The following EYA4 variants were observed in gnomAD, a reference collection of about 807,000 sequenced individuals.
EYA4 encodes EYA transcriptional coactivator and phosphatase 4.
EYA4 carries 31 observed loss-of-function variants against 87.9 expected under a neutral mutation model. The observed-to-expected ratio is 0.35, with a 90% CI of 0.27 to 0.48. EYA4 has a LOEUF of 0.48. Among genes scored for constraint, EYA4 ranks in the 20% least tolerant of loss-of-function variants. The pLI is 0.99. For missense variants in EYA4, 678 were observed against 761.4 expected, an observed-to-expected ratio of 0.89 and a Z score of 1.29; for synonymous variants, 263 against 270.6, an observed-to-expected ratio of 0.97 and a Z score of 0.28.
chr6:133,423,160 G>C (rs542382181), intron 3 of EYA4, among the ~76,000 whole-genome samples: 2 of 152,238 alleles, frequency 1.3e-5, no homozygotes, highest in African/African-American at 4.8e-5. Flanking sequence ...GGAGGAGAAA[G>C]AGTAAGGAAA....
At chr6:133,477,700 A>G (rs1243261036) in intron 11 of EYA4, among the ~76,000 whole-genome samples, 3 of 152,142 alleles carry the variant, frequency 2.0e-5, no homozygotes. Flanking sequence ...CCAGTGTTGC[A>G]TCATACAAGC....
In EYA4 at chr6:133,422,563, T is replaced by C. The variant is rs6915920; in HGVS notation, c.84-24067T>C. The stretch of plus-strand genomic sequence containing the variant: ...TCTAATTCTTAACTCTTAGAAACCA[T>C]GTTATGGAATAATTTTTCTGGAGTT... On this transcript the variant is annotated intron_variant, in intron 3 of 19. Coordinates refer to ENST00000355286, the MANE Select transcript of EYA4 (RefSeq NM_004100.5). Among the ~76,000 whole-genome samples the C allele has an allele frequency of 6.1e-3, 934 of 152,316 alleles. 6 individuals carry two copies. Among genetic ancestry groups the C allele is most frequent in the African/African-American group, 0.021 (863 of 41,566 alleles).
intron 2 of EYA4, among the ~76,000 whole-genome samples, chr6:133,336,434 T>C (rs1298298427): frequency 6.6e-6 from 1 of 152,166 alleles, no homozygotes; most frequent in African/African-American, 2.4e-5. Context: ...AAGTCAAACC[T>C]GACCACAATC....
intron 2 of EYA4, among the ~76,000 whole-genome samples, chr6:133,375,916 A>G (rs1364027481): frequency 6.6e-6 from 1 of 151,910 alleles, no homozygotes; most frequent in Non-Finnish European, 1.5e-5. Context: ...ATAATTTACA[A>G]CAATTTTATT....
intron 3 of EYA4, among the ~76,000 whole-genome samples, chr6:133,410,677 G>C (rs1267008829): frequency 6.8e-6 from 1 of 146,956 alleles, no homozygotes; most frequent in Non-Finnish European, 1.5e-5. Flanking sequence ...TGCATTGAAG[G>C]CTCCCTACTC....
chr6:133,309,800 C>T (rs1402521878), intron 2 of EYA4, among the ~76,000 whole-genome samples: 2 of 152,128 alleles, frequency 1.3e-5, no homozygotes, highest in Non-Finnish European at 2.9e-5. Context: ...CAATTAAACC[C>T]CATTGTAATG....
At chr6:133,325,300 C>A (rs1366011938) in intron 2 of EYA4, 1 of 152,154 alleles carries the variant, frequency 6.6e-6, no homozygotes, top group Non-Finnish European at 1.5e-5. Context: ...AGATCCACAT[C>A]AGATGGGAAG....
intron 1 of EYA4, among the ~76,000 whole-genome samples, chr6:133,261,730 A>G (rs969913584): frequency 3.3e-5 from 5 of 152,222 alleles, no homozygotes; most frequent in Non-Finnish European, 5.9e-5. Flanking sequence ...AGTTGCAGAT[A>G]CTACTCTACT....
At chr6:133,253,293 C>T (rs917024782) in intron 1 of EYA4, among the ~76,000 whole-genome samples, 5 of 151,972 alleles carry the variant, frequency 3.3e-5, no homozygotes, top group African/African-American at 9.7e-5. Context: ...GAAGGCACAG[C>T]GAACCACAGG....
At chr6:133,493,790 G>A (rs536263643) in intron 13 of EYA4, among the ~76,000 whole-genome samples, 1 of 152,100 alleles carries the variant, frequency 6.6e-6, no homozygotes, top group African/African-American at 2.4e-5. Context: ...AATTTGAATA[G>A]ATATTTCTCA....
intron 3 of EYA4, among the ~76,000 whole-genome samples, chr6:133,418,264 A>G (rs1203687734): frequency 6.6e-6 from 1 of 152,176 alleles, no homozygotes; most frequent in Non-Finnish European, 1.5e-5. Context: ...GAGTTTGTGC[A>G]TAGAAGCTTG....
intron 1 of EYA4, among the ~76,000 whole-genome samples, chr6:133,266,459 T>C (rs565103087): frequency 6.6e-6 from 1 of 152,194 alleles, no homozygotes; most frequent in African/African-American, 2.4e-5. Flanking sequence ...ACTGTGAGAA[T>C]AGATTTCAGT....
intron 3 of EYA4, among the ~76,000 whole-genome samples, chr6:133,394,248 A>G (rs1364645817): frequency 4.0e-5 from 6 of 149,330 alleles, no homozygotes; most frequent in Non-Finnish European, 8.9e-5. Context: ...AATCTCCAAC[A>G]TAAGAATAGT....
chr6:133,279,061 C>T (rs1050947592), intron 2 of EYA4, among the ~76,000 whole-genome samples: 22 of 151,782 alleles, frequency 1.4e-4, no homozygotes, highest in Non-Finnish European at 3.2e-4. Flanking sequence ...TTTTATAATC[C>T]TATTTTGGTG....
rs375650792 is a variant in EYA4, at chr6:133,328,371, A to G, written c.33+53558A>G. Among the ~76,000 whole-genome samples, 29 of 152,264 alleles carry G rather than the reference A, an allele frequency of 1.9e-4. No homozygotes were observed. The South Asian group carries it at 4.6e-3, about 24-fold the overall frequency. On this transcript the variant is annotated intron_variant, in intron 2 of 19. Transcript: ENST00000355286. ...TGTGTGGCTGTCAGAAAATTAAATA[A>G]ACTCTCTAAGTACCCTTCTCTTTAT...
chr6:133,485,683 A>AGTT (rs995813267), intron 13 of EYA4, among the ~76,000 whole-genome samples: 2 of 152,220 alleles, frequency 1.3e-5, no homozygotes, highest in African/African-American at 4.8e-5. Context: ...TTCTCTTTTA[A>AGTT]GTTGTAATTT....
At chr6:133,293,235 A>G (rs939442192) in intron 2 of EYA4, among the ~76,000 whole-genome samples, 4 of 152,166 alleles carry the variant, frequency 2.6e-5, no homozygotes, top group African/African-American at 7.2e-5. Context: ...TTTTCATCCA[A>G]AGATCCACTA....
In EYA4 at chr6:133,446,698, C is replaced by T. The variant is rs542906126; in HGVS notation, c.152C>T (p.Ser51Phe). 4.2e-5 allele frequency: 67 copies of T among 1,613,874 alleles called. No individual in the cohort carries two copies. In the South Asian group the frequency reaches 6.5e-4, roughly 16 times the overall value. The change falls in exon 4 of 20, where the codon TCC becomes TTC. Residue 51 changes from serine to phenylalanine, a missense_variant. By Grantham distance (155) the Ser-to-Phe change is radical (BLOSUM62 -2). Coordinates refer to ENST00000355286, the MANE Select transcript of EYA4 (RefSeq NM_004100.5). ...LVGGGDTPGS[S>F]KLEKSNLSST... Reference sequence around the variant, plus strand: ...GGAGGTGGTGATACTCCAGGTAGCTCCAAACTGGAAAAATCTAATCTCAGC... The same window carrying T: ...GGAGGTGGTGATACTCCAGGTAGCTTCAAACTGGAAAAATCTAATCTCAGC...
chr6:133,429,457 C>T (rs1476277091), intron 3 of EYA4, among the ~76,000 whole-genome samples: 1 of 151,906 alleles, frequency 6.6e-6, no homozygotes, highest in African/African-American at 2.4e-5. Context: ...GAAAAATGCC[C>T]ATGAGAGCAG....
Sources: allele counts gnomAD v4.1 joint callset (sites outside exome capture counted in the v4.1 genomes callset), GRCh38; gene constraint gnomAD v4.1.1; transcripts MANE v1.5; gene names NCBI Gene and HGNC (gene_info 2026-07-23, HGNC 2026-07-21).